The following PPARGC1A variants were observed in gnomAD, a reference collection of about 807,000 sequenced individuals.
PPARGC1A encodes PPARG coactivator 1 alpha, also known as peroxisome proliferator-activated receptor gamma coactivator 1-alpha.
A neutral mutation model predicts 88.7 loss-of-function variants in PPARGC1A; 25 were observed. That is an observed-to-expected ratio of 0.28 (90% CI 0.21 to 0.39). The LOEUF (loss-of-function observed/expected upper bound fraction) is 0.39. PPARGC1A is among the 10% of genes least tolerant of loss of function. PPARGC1A has a pLI of 1.00. For synonymous variants in PPARGC1A, 363 were observed against 355.6 expected (o/e 1.02, Z -0.24); for missense variants, 880 against 968.7 (o/e 0.91, Z 1.22).
intron 1 of PPARGC1A, among the ~76,000 whole-genome samples, chr4:23,888,333 A>C (rs1717260270): frequency 6.6e-6 from 1 of 152,236 alleles, no homozygotes; most frequent in Non-Finnish European, 1.5e-5. Context: ...TTTGAAAATG[A>C]CTGCAGGAAT....
the PPARGC1A span, among the ~76,000 whole-genome samples, chr4:23,922,328 A>G: frequency 6.6e-6 from 1 of 152,190 alleles, no homozygotes; most frequent in Admixed American, 6.5e-5. Flanking sequence ...CATCTCCAAG[A>G]CAACTTCACT....
chr4:24,265,976 T>G, the PPARGC1A span, among the ~76,000 whole-genome samples: 1 of 151,626 alleles, frequency 6.6e-6, no homozygotes, highest in Admixed American at 6.6e-5. Context: ...AAAGCCTAAG[T>G]TTGGGGGAGA....
chr4:23,960,945 A>G, the PPARGC1A span, among the ~76,000 whole-genome samples: 1 of 152,158 alleles, frequency 6.6e-6, no homozygotes, highest in African/African-American at 2.4e-5. Context: ...AGCATTATCA[A>G]GGAAATGATC....
chr4:24,163,827 G>C, the PPARGC1A span, among the ~76,000 whole-genome samples: 1 of 152,182 alleles, frequency 6.6e-6, no homozygotes, highest in African/African-American at 2.4e-5. Flanking sequence ...GTACCACTCT[G>C]TTAGGCTGTG....
chr4:24,267,822 T>C, the PPARGC1A span, among the ~76,000 whole-genome samples: 3 of 151,826 alleles, frequency 2.0e-5, no homozygotes, highest in African/African-American at 7.3e-5. Context: ...AATCAACGTG[T>C]CATTTTTTTT....
chr4:23,890,259 AG>A, upstream of PPARGC1A: 1 of 390,160 alleles, frequency 2.6e-6, no homozygotes, highest in Non-Finnish European at 4.1e-6. Context: ...AAAGAAAGAA[AG>A]GAAACACTTA....
At chr4:23,907,455 G>A (rs9993723), upstream of PPARGC1A, among the ~76,000 whole-genome samples, 492 of 152,312 alleles carry the variant, frequency 3.2e-3, no homozygotes, top group African/African-American at 0.011. Flanking sequence ...TCAGTCACAT[G>A]CAGAATACGT....
chr4:23,996,658 A>C, the PPARGC1A span, among the ~76,000 whole-genome samples: 1 of 152,192 alleles, frequency 6.6e-6, no homozygotes, highest in Non-Finnish European at 1.5e-5. Context: ...GCCTAGATAC[A>C]GGAAACCTAT....
chr4:24,368,625 C>T, the PPARGC1A span, among the ~76,000 whole-genome samples: 3 of 152,232 alleles, frequency 2.0e-5, no homozygotes, highest in East Asian at 3.9e-4. Context: ...TTATTCTATA[C>T]ATTTGTACCA....
chr4:24,152,411 G>A, the PPARGC1A span, among the ~76,000 whole-genome samples: 1 of 152,120 alleles, frequency 6.6e-6, no homozygotes, highest in Admixed American at 6.6e-5. Flanking sequence ...AACATCCATG[G>A]AGAGAAAGTG....
chr4:24,404,532 G>T, the PPARGC1A span, among the ~76,000 whole-genome samples: 1 of 152,062 alleles, frequency 6.6e-6, no homozygotes, highest in Non-Finnish European at 1.5e-5. Context: ...GAAACTGAAA[G>T]ATATATATTA....
At chr4:23,920,576 C>T in the PPARGC1A span, among the ~76,000 whole-genome samples, 1 of 152,108 alleles carries the variant, frequency 6.6e-6, no homozygotes, top group Non-Finnish European at 1.5e-5. Context: ...TGATTTAATT[C>T]AGGCATAATA....
chr4:24,280,878 G>T, the PPARGC1A span, among the ~76,000 whole-genome samples: 1 of 152,314 alleles, frequency 6.6e-6, no homozygotes, highest in East Asian at 1.9e-4. Flanking sequence ...GCCTTATAAA[G>T]TTAATCACTC....
At chr4:24,184,866 C>T in the PPARGC1A span, among the ~76,000 whole-genome samples, 411 of 151,988 alleles carry the variant, frequency 2.7e-3, 1 homozygote, top group Non-Finnish European at 4.2e-3. Context: ...GGATAAGAAG[C>T]GGCAGAAAAG....
intron 2 of PPARGC1A, among the ~76,000 whole-genome samples, chr4:23,837,413 A>G (rs985318308): frequency 1.2e-4 from 18 of 151,592 alleles, no homozygotes; most frequent in Admixed American, 2.6e-4. Context: ...AGAGTTGACA[A>G]AGGCCTGAGA....
the PPARGC1A span, among the ~76,000 whole-genome samples, chr4:24,285,976 C>G: frequency 2.0e-5 from 3 of 152,238 alleles, no homozygotes; most frequent in Non-Finnish European, 4.4e-5. Flanking sequence ...CCCTCTTCAA[C>G]TACTCTGCCC....
At chr4:23,959,173 G>A in the PPARGC1A span, among the ~76,000 whole-genome samples, 101 of 152,142 alleles carry the variant, frequency 6.6e-4, 1 homozygote, top group South Asian at 0.016. Context: ...TATATTGATC[G>A]AAGGGGCGGC....
the PPARGC1A span, among the ~76,000 whole-genome samples, chr4:24,349,941 G>T: frequency 3.9e-5 from 6 of 152,192 alleles, no homozygotes; most frequent in African/African-American, 1.4e-4. Flanking sequence ...AGGCAGGAAT[G>T]GGCTGCTTGG....
At chr4:23,868,071 C>G (rs1008963212) in intron 2 of PPARGC1A, among the ~76,000 whole-genome samples, 1 of 152,108 alleles carries the variant, frequency 6.6e-6, no homozygotes, top group African/African-American at 2.4e-5. Context: ...CTTTCATGCT[C>G]TGGAACCCCG....
Sources: allele counts gnomAD v4.1 joint callset (sites outside exome capture counted in the v4.1 genomes callset), GRCh38; gene constraint gnomAD v4.1.1; transcripts MANE v1.5; gene names NCBI Gene and HGNC (gene_info 2026-07-23, HGNC 2026-07-21).